Variants in SMG5 observed in about 807,000 individuals in gnomAD.
The protein encoded by SMG5 is nonsense-mediated mRNA decay factor SMG5.
In SMG5, 53 loss-of-function variants were observed where a neutral mutation model predicts 122.9. The observed-to-expected ratio is 0.43, with a 90% CI of 0.35 to 0.54. The LOEUF (loss-of-function observed/expected upper bound fraction) is 0.54. Among genes scored for constraint, SMG5 ranks in the 20% least tolerant of loss-of-function variants. The pLI is 0.01. For missense variants in SMG5, 1,153 were observed against 1,285.6 expected (o/e 0.90, Z 1.58); for synonymous variants, 477 against 490.2 (o/e 0.97, Z 0.35).
At chr1:156,265,718 T>C in intron 12 of SMG5, 63 bp downstream of exon 12, 1 of 1,561,614 alleles carries the variant, frequency 6.4e-7, no homozygotes, top group Non-Finnish European at 8.7e-7. Flanking sequence ...AAGCGGCCTC[T>C]CTGGTGAGTG....
chr1:156,257,992 C>T (rs930415942), intron 16 of SMG5, among the ~76,000 whole-genome samples: 4 of 152,208 alleles, frequency 2.6e-5, no homozygotes, highest in African/African-American at 9.6e-5. Flanking sequence ...AGATTGTTGC[C>T]CACAAGAGAA....
At chr1:156,272,681 T>C (rs986983500) in intron 6 of SMG5, among the ~76,000 whole-genome samples, 3 of 152,006 alleles carry the variant, frequency 2.0e-5, no homozygotes, top group Admixed American at 6.6e-5. Flanking sequence ...CACGCCATTC[T>C]CCTGCCTCAG....
intron 5 of SMG5, among the ~76,000 whole-genome samples, chr1:156,273,718 CTTTTTTTTTTTT>C (rs748042052): frequency 3.4e-5 from 4 of 116,344 alleles, no homozygotes; most frequent in East Asian, 2.5e-4. Context: ...GTTTTGTTTT[CTTTTTTTTTTTT>C]TTTTTTTTTA....
upstream of SMG5, chr1:156,286,210 G>A (rs769768162): frequency 4.4e-6 from 7 of 1,579,216 alleles, no homozygotes; most frequent in Admixed American, 1.7e-5. Context: ...TGCCTCTTGT[G>A]CCCTTCCCCT....
chr1:156,259,376 C>A (rs1270054839), intron 15 of SMG5, among the ~76,000 whole-genome samples: 1 of 152,110 alleles, frequency 6.6e-6, no homozygotes, highest in Non-Finnish European at 1.5e-5. Flanking sequence ...GTAGGTACAG[C>A]AAGAAAACTC....
intron 1 of SMG5, among the ~76,000 whole-genome samples, chr1:156,279,700 G>A (rs1363397953): frequency 1.3e-5 from 2 of 152,130 alleles, no homozygotes; most frequent in African/African-American, 2.4e-5. Context: ...TATTATCCCT[G>A]ACATAAAGGA....
chr1:156,266,771 T>G, intron 10 of SMG5, 93 bp from the exon 11 acceptor site: 1 of 1,391,642 alleles, frequency 7.2e-7, no homozygotes, highest in Non-Finnish European at 9.7e-7. Flanking sequence ...TTCTCAACTC[T>G]TCCAAGGATC....
upstream of SMG5, among the ~76,000 whole-genome samples, chr1:156,287,352 G>A (rs1255341305): frequency 2.0e-5 from 3 of 152,108 alleles, no homozygotes; most frequent in Non-Finnish European, 4.4e-5. Flanking sequence ...GGAGGCGGAG[G>A]TTGCAGTGAG....
At chr1:156,281,271 T>C (rs546698177) in intron 1 of SMG5, among the ~76,000 whole-genome samples, 48 of 152,360 alleles carry the variant, frequency 3.2e-4, no homozygotes, top group Middle Eastern at 3.4e-3. Flanking sequence ...CCTGTGAATG[T>C]AGTGGTTTAA....
At chr1:156,265,511 T>C (rs567887772) in intron 12 of SMG5, among the ~76,000 whole-genome samples, 10 of 152,148 alleles carry the variant, frequency 6.6e-5, no homozygotes, top group African/African-American at 1.2e-4. Flanking sequence ...GCAGCTGCAA[T>C]TGTTGTGTAG....
intron 7 of SMG5, among the ~76,000 whole-genome samples, chr1:156,271,348 T>TATA (rs1369662356): frequency 6.6e-6 from 1 of 152,250 alleles, no homozygotes; most frequent in East Asian, 1.9e-4. Flanking sequence ...AAGCTCATTA[T>TATA]ATAACTTCTT....
chr1:156,260,003 C>T (rs959865701), intron 15 of SMG5, among the ~76,000 whole-genome samples: 2 of 152,200 alleles, frequency 1.3e-5, no homozygotes, highest in Admixed American at 1.3e-4. Context: ...CTGCTGCCCC[C>T]AGATGGCCCA....
chr1:156,265,901 G>A lies in SMG5; in HGVS notation c.1735C>T (p.Arg579Cys), dbSNP rs565589548. ...AAGGTGGGGGCCAGTCGGAAGCAGCGCTTAGTCTGGAACATCTGGGTGGAC... is the reference window on the plus strand; with the variant it reads ...AAGGTGGGGGCCAGTCGGAAGCAGCACTTAGTCTGGAACATCTGGGTGGAC... ...AMSTQMFQTK[R>C]CFRLAPTFSN... The change falls in exon 12 of 22, where the codon CGC (arginine) becomes TGC (cysteine). Residue 579 changes from arginine (R) to cysteine (C), a missense_variant. Physicochemically the swap from Arg to Cys is radical, Grantham distance 180 (BLOSUM62 -3). Around this residue, in one of 5 missense-constraint regions of SMG5, gnomAD observed 631 missense variants for 650.6 expected, o/e 0.97. Coordinates refer to ENST00000361813, the MANE Select transcript of SMG5 (RefSeq NM_015327.3). 10 of 1,614,166 alleles carry A rather than the reference G, an allele frequency of 6.2e-6. No individual in the cohort carries two copies. The highest frequency in any genetic ancestry group is 1.7e-5 in the Admixed American group (1 of 60,024).
In SMG5 at chr1:156,260,374, C is replaced by T. The variant is rs551358428; in HGVS notation, c.2283+77G>A. 2.5e-4 allele frequency: 381 copies of T among 1,514,412 alleles called. 2 individuals carry two copies. The South Asian group carries it at 4.4e-3, about 18-fold the overall frequency. 93.8% of individuals were successfully genotyped at this position (1,514,412 alleles called of 1,614,324 possible). A position where few individuals can be genotyped will look rare whatever the true frequency, so the allele number is the denominator to read the frequency against. ...GTGGAAGAGGGCATCCTGCCCCCTC[C>T]CTCCCCAGATCTGAACCCATTTGCT... is the stretch of plus-strand genomic sequence containing the variant. On this transcript the variant is annotated intron_variant, in intron 15 of 21. Coordinates refer to ENST00000361813, the MANE Select transcript of SMG5 (RefSeq NM_015327.3).
chr1:156,261,434 C>G (rs1412624538), intron 13 of SMG5, 26 bp from the exon 14 acceptor site: 1 of 1,598,278 alleles, frequency 6.3e-7, no homozygotes, highest in Admixed American at 1.7e-5. Context: ...GGAGAGGAGG[C>G]CTTCAGCTAG....
intron 7 of SMG5, 91 bp from the exon 8 acceptor site, chr1:156,268,506 A>G: frequency 6.6e-7 from 1 of 1,523,832 alleles, no homozygotes; most frequent in East Asian, 2.3e-5. Flanking sequence ...ACTAGTAAAT[A>G]CAGGCTGCTC....
chr1:156,257,718 C>T (rs1170366246), intron 16 of SMG5, among the ~76,000 whole-genome samples: 3 of 152,130 alleles, frequency 2.0e-5, no homozygotes, highest in East Asian at 1.9e-4. Context: ...TTCTGGGGAG[C>T]TTTTGCCCCT....
At chr1:156,285,835 C>T (rs765610142), upstream of SMG5, 21 of 1,613,482 alleles carry the variant, frequency 1.3e-5, no homozygotes, top group Non-Finnish European at 1.7e-5. Flanking sequence ...CTGTGGCCTC[C>T]GTGGGAGCCG....
chr1:156,273,697 CTTCT>C lies in SMG5; in HGVS notation c.545-251_545-248del, dbSNP rs376458711. Among the ~76,000 whole-genome samples the C allele has an allele frequency of 7.0e-4, 101 of 144,638 alleles. 1 individual carries two copies. Among genetic ancestry groups the C allele is most frequent in the African/African-American group, 2.5e-3 (98 of 39,242 alleles). 94.9% of individuals were successfully genotyped at this position (144,638 alleles called of 152,430 possible). On this transcript the variant is annotated intron_variant, in intron 5 of 21. Coordinates refer to ENST00000361813, the MANE Select transcript of SMG5 (RefSeq NM_015327.3). Reference sequence around the variant, plus strand: ...ATATTGTTTGTGAAGTAAATAAGCTCTTCTTTTTTTGTTTTGTTTTCTTTTTTTT... The same window carrying C: ...ATATTGTTTGTGAAGTAAATAAGCTCTTTTTTGTTTTGTTTTCTTTTTTTT...
Sources: gnomAD v4.1 joint callset for allele counts (sites outside exome capture counted in the v4.1 genomes callset) on GRCh38, gnomAD v4.1.1 for gene constraint, gnomAD v4.1.1 regional missense constraint, MANE v1.5 for transcripts, NCBI Gene and HGNC (gene_info 2026-07-23, HGNC 2026-07-21) for gene names.